ZMIZ1: variants seen among roughly 807,000 people sequenced by gnomAD.
The protein encoded by ZMIZ1 is zinc finger MIZ-type containing 1, also known as zinc finger MIZ domain-containing protein 1.
In ZMIZ1, 17 loss-of-function variants were observed where a neutral mutation model predicts 113.9. The ratio of observed to expected loss-of-function variants is 0.15; its 90% CI spans 0.10 to 0.22. ZMIZ1 has a LOEUF of 0.22. Among genes scored for constraint, ZMIZ1 ranks in the 10% least tolerant of loss-of-function variants. ZMIZ1 has a pLI of 1.00. For synonymous variants in ZMIZ1, 607 were observed against 603.1 expected, an observed-to-expected ratio of 1.01 and a Z score of -0.09; for missense variants, 1,059 against 1,477.8, an observed-to-expected ratio of 0.72 and a Z score of 4.65.
At chr10:79,248,918 C>G (rs145414574) in intron 7 of ZMIZ1, among the ~76,000 whole-genome samples, 1,640 of 151,352 alleles carry the variant, frequency 0.011, 30 homozygotes, top group African/African-American at 0.037. Flanking sequence ...TCCCAGGGCT[C>G]CAGTGTTGAA....
At chr10:79,175,583 CGTGTGTGTGTGTGT>C (rs757004699) in intron 4 of ZMIZ1, among the ~76,000 whole-genome samples, 46 of 125,380 alleles carry the variant, frequency 3.7e-4, no homozygotes, top group South Asian at 1.1e-3. Flanking sequence ...GTGCACTCTG[CGTGTGTGTGTGTGT>C]GTGTGTGTGT....
intron 7 of ZMIZ1, among the ~76,000 whole-genome samples, chr10:79,251,816 G>A (rs1233123845): frequency 3.3e-5 from 5 of 152,160 alleles, no homozygotes; most frequent in African/African-American, 7.2e-5. Flanking sequence ...GGGCAGTCCC[G>A]GGATGCCCTG....
At chr10:79,188,955 G>T (rs1045364330) in intron 4 of ZMIZ1, among the ~76,000 whole-genome samples, 3 of 152,166 alleles carry the variant, frequency 2.0e-5, no homozygotes, top group South Asian at 2.1e-4. Flanking sequence ...CACCTCCTGG[G>T]ACCTGGTTTC....
intron 3 of ZMIZ1, among the ~76,000 whole-genome samples, chr10:79,153,996 A>T (rs1007222188): frequency 6.6e-6 from 1 of 152,198 alleles, no homozygotes; most frequent in Non-Finnish European, 1.5e-5. Flanking sequence ...CTCAGTGCTC[A>T]GTGGTTTGTG....
chr10:79,163,210 C>G (rs1846187183), intron 4 of ZMIZ1, among the ~76,000 whole-genome samples: 1 of 152,366 alleles, frequency 6.6e-6, no homozygotes, highest in East Asian at 1.9e-4. Context: ...CTGCTGCCCT[C>G]AGCGTCCCTC....
intron 3 of ZMIZ1, among the ~76,000 whole-genome samples, chr10:79,140,609 G>A (rs1320015299): frequency 6.6e-6 from 1 of 151,780 alleles, no homozygotes; most frequent in Non-Finnish European, 1.5e-5. Context: ...CTTTCTTTTA[G>A]TCCTTCCACA....
At chr10:79,157,084 G>A (rs1294439066) in intron 3 of ZMIZ1, among the ~76,000 whole-genome samples, 1 of 152,230 alleles carries the variant, frequency 6.6e-6, no homozygotes, top group Non-Finnish European at 1.5e-5. Flanking sequence ...AGGATGGATA[G>A]GGTTCCAAAG....
intron 7 of ZMIZ1, among the ~76,000 whole-genome samples, chr10:79,227,966 G>T (rs1480804588): frequency 2.0e-5 from 3 of 152,218 alleles, no homozygotes; most frequent in Non-Finnish European, 4.4e-5. Flanking sequence ...AGGGAGGCTG[G>T]ACAGGGCCCA....
intron 18 of ZMIZ1, 120 bp downstream of exon 18, chr10:79,302,332 C>A: frequency 1.0e-6 from 1 of 1,002,034 alleles, no homozygotes; most frequent in Non-Finnish European, 1.5e-6. Flanking sequence ...CACCACCGGG[C>A]CTGGAGTGTC....
At chr10:79,293,315 T>G in intron 11 of ZMIZ1, 66 bp from the exon 12 acceptor site, 3 of 1,504,062 alleles carry the variant, frequency 2.0e-6, no homozygotes, top group Non-Finnish European at 2.7e-6. Flanking sequence ...CCCTGCACTT[T>G]CAATGCATGT....
intron 4 of ZMIZ1, among the ~76,000 whole-genome samples, chr10:79,194,934 G>A (rs1446524357): frequency 1.3e-5 from 2 of 152,240 alleles, no homozygotes; most frequent in Non-Finnish European, 2.9e-5. Flanking sequence ...AGACCGAGCT[G>A]ACCCCATGTT....
At chr10:79,106,314 G>T (rs1240024553) in intron 1 of ZMIZ1, among the ~76,000 whole-genome samples, 2 of 152,244 alleles carry the variant, frequency 1.3e-5, no homozygotes, top group African/African-American at 4.8e-5. Context: ...ATCAAGTGCT[G>T]TAGGTTTTGT....
chr10:79,292,691 T>A (rs943521762), intron 11 of ZMIZ1: 1 of 480,356 alleles, frequency 2.1e-6, no homozygotes, highest in African/African-American at 1.9e-5. Flanking sequence ...GTGGGCTCAA[T>A]GTCTAAAAAT....
intron 2 of ZMIZ1, among the ~76,000 whole-genome samples, chr10:79,130,983 G>A (rs1412204783): frequency 2.0e-5 from 3 of 152,076 alleles, no homozygotes; most frequent in Admixed American, 6.5e-5. Context: ...CTAGCATCCC[G>A]CTGCACCCCC....
Position 79,305,573 on chromosome 10 carries a change from A to C in ZMIZ1, c.2395A>C (p.Met799Leu). 3 of 1,610,168 alleles carry C rather than the reference A, an allele frequency of 1.9e-6. No homozygotes were observed. Among genetic ancestry groups the C allele is most frequent in the South Asian group, 1.1e-5 (1 of 91,022 alleles). ...GGAGGGCCTGGAGGTGGATCAGTACATGTGGGGAATCCTGAATGCCATCCA... is the reference window on the plus strand; with the variant it reads ...GGAGGGCCTGGAGGTGGATCAGTACCTGTGGGGAATCCTGAATGCCATCCA... ...LLEGLEVDQY[M>L]WGILNAIQHS... Residue 799 changes from methionine (M) to leucine (L), a missense_variant, in exon 21 of 25, where the codon ATG becomes CTG. Transcript: ENST00000334512.
At chr10:79,231,334 G>A (rs549144449) in intron 7 of ZMIZ1, among the ~76,000 whole-genome samples, 27 of 152,294 alleles carry the variant, frequency 1.8e-4, no homozygotes, top group African/African-American at 5.8e-4. Flanking sequence ...TGCAACCTCT[G>A]CCTCCCAGGT....
chr10:79,182,892 T>G (rs1204305312), intron 4 of ZMIZ1, among the ~76,000 whole-genome samples: 1 of 152,236 alleles, frequency 6.6e-6, no homozygotes, highest in African/African-American at 2.4e-5. Context: ...TTCCTCCTCC[T>G]CGGGTCTGTA....
At chr10:79,177,548 C>T (rs1052956053) in intron 4 of ZMIZ1, among the ~76,000 whole-genome samples, 1 of 152,190 alleles carries the variant, frequency 6.6e-6, no homozygotes, top group African/African-American at 2.4e-5. Flanking sequence ...TAGGACTTGC[C>T]GAAACACACA....
At chr10:79,262,638 C>T (rs1384250599) in intron 7 of ZMIZ1, among the ~76,000 whole-genome samples, 4 of 152,262 alleles carry the variant, frequency 2.6e-5, no homozygotes, top group Non-Finnish European at 5.9e-5. Flanking sequence ...CATTTCCTCC[C>T]TCCCCTCAGT....
Sources: allele counts gnomAD v4.1 joint callset (sites outside exome capture counted in the v4.1 genomes callset), GRCh38; gene constraint gnomAD v4.1.1; transcripts MANE v1.5; gene names NCBI Gene and HGNC (gene_info 2026-07-23, HGNC 2026-07-21).